Variants in USF3 observed in about 807,000 individuals in gnomAD.
USF3 encodes upstream transcription factor family member 3.
USF3 carries 29 observed loss-of-function variants against 157.5 expected under a neutral mutation model. That is an observed-to-expected ratio of 0.18 (90% CI 0.14 to 0.25). The LOEUF (loss-of-function observed/expected upper bound fraction) is 0.25, where lower values mean the gene tolerates loss of function less well. Among genes scored for constraint, USF3 ranks in the 10% least tolerant of loss-of-function variants. The pLI is 1.00. For missense variants in USF3, 2,381 were observed against 2,667.6 expected, an observed-to-expected ratio of 0.89 and a Z score of 2.37; for synonymous variants, 893 against 941.4, an observed-to-expected ratio of 0.95 and a Z score of 0.94.
At position 113,656,027 on chromosome 3, in the gene USF3, T is replaced by C; in HGVS notation, c.5655A>G (p.Ala1885=). The C allele has an allele frequency of 6.2e-7, 1 of 1,614,218 alleles. No individual in the cohort carries two copies. Among genetic ancestry groups the C allele is most frequent in the African/African-American group, 1.3e-5 (1 of 75,062 alleles). The change falls in exon 7 of 7, where the codon GCA becomes GCG. Residue 1885 remains alanine (A), a synonymous_variant. Coordinates refer to ENST00000316407, the MANE Select transcript of USF3 (RefSeq NM_001009899.4). ...TCAAGGTGCTGTTCCTGGTGTTAATTGCACCTAACGACATGTCACAACTTT... is the reference window on the plus strand; with the variant it reads ...TCAAGGTGCTGTTCCTGGTGTTAATCGCACCTAACGACATGTCACAACTTT... ...NRESCDMSLG[A]INTRNSTLNI...
intron 1 of USF3, among the ~76,000 whole-genome samples, chr3:113,681,876 G>C (rs957025832): frequency 4.8e-5 from 7 of 144,330 alleles, no homozygotes; most frequent in African/African-American, 1.8e-4. Flanking sequence ...CTGCCACCAC[G>C]CCTGGCTAAT....
intron 1 of USF3, among the ~76,000 whole-genome samples, chr3:113,690,949 A>G (rs1241770004): frequency 1.3e-5 from 2 of 152,158 alleles, no homozygotes; most frequent in Non-Finnish European, 2.9e-5. Context: ...GCACTTTGAG[A>G]GGCCAAGGGA....
chr3:113,660,782 A>T lies in USF3; in HGVS notation c.900T>A (p.Val300=). 1.2e-6 allele frequency: 2 copies of T among 1,614,190 alleles called. No individual in the cohort carries two copies. Among genetic ancestry groups the T allele is most frequent in the South Asian group, 2.2e-5 (2 of 91,090 alleles). The change falls in exon 7 of 7, where the codon GTT becomes GTA. Residue 300 remains valine (V), a synonymous_variant. Transcript: ENST00000316407. ...CTGAGGAGCTGTGGGGGATGTTTGT[A>T]ACACAAGGGGTCATTTTCTTCAATA... ...PKVLKKMTPC[V]TNIPHSSSAT... is the part of the protein sequence containing the mutation.
chr3:113,649,607 G>C lies in USF3; in HGVS notation c.*5337C>G, dbSNP rs1947226172. The C allele has an allele frequency of 2.4e-6, 1 of 408,596 alleles. No homozygotes were observed. The highest frequency in any genetic ancestry group is 4.3e-5 in the Admixed American group (1 of 23,248). 25.3% of individuals were successfully genotyped at this position (408,596 alleles called of 1,614,324 possible). On this transcript the variant is annotated 3_prime_UTR_variant, in exon 7 of 7. Transcript: ENST00000316407. ...AGCTGTACTTGTCGAGAAGGTGTCT[G>C]ATTACACAGCGTGTACCATCCCAGC...
rs1418873643 is a variant in USF3 at position 113,665,411 on chromosome 3, T to A, written c.160-1002A>T. Among the ~76,000 whole-genome samples the A allele has an allele frequency of 2.0e-5, 3 of 152,390 alleles. No homozygotes were observed. In the East Asian group the frequency reaches 5.8e-4, roughly 29 times the overall value. Reference sequence around the variant, plus strand: ...GGCCAAGAGAGGAATGTCACTTGATTGAGTTTTGGTGTCATGCTTCCAGTA... The same window carrying A: ...GGCCAAGAGAGGAATGTCACTTGATAGAGTTTTGGTGTCATGCTTCCAGTA... On this transcript the variant is annotated intron_variant, in intron 5 of 6. Transcript: ENST00000316407.
At chr3:113,679,695 T>C (rs1029652924) in intron 1 of USF3, among the ~76,000 whole-genome samples, 23 of 152,186 alleles carry the variant, frequency 1.5e-4, no homozygotes, top group African/African-American at 5.5e-4. Context: ...ATTACAGGCA[T>C]AAGCCACCAC....
At position 113,670,877 on chromosome 3, in the gene USF3, G is replaced by C. The variant is rs1203096703; in HGVS notation, c.77-674C>G. Among the ~76,000 whole-genome samples, 3 of 151,984 alleles carry C rather than the reference G, an allele frequency of 2.0e-5. No homozygotes were observed. In the East Asian group the frequency reaches 5.8e-4, roughly 29 times the overall value. Reference sequence around the variant, plus strand: ...GGGCTCAGGCCTCCCGAATAGCTGGGACCACAGGCATGCAGCACCATGCCC... The same window carrying C: ...GGGCTCAGGCCTCCCGAATAGCTGGCACCACAGGCATGCAGCACCATGCCC... On this transcript the variant is annotated intron_variant, in intron 4 of 6. Transcript: ENST00000316407.
intron 1 of USF3, among the ~76,000 whole-genome samples, chr3:113,690,720 G>A (rs1463725907): frequency 6.6e-6 from 1 of 152,104 alleles, no homozygotes; most frequent in Non-Finnish European, 1.5e-5. Flanking sequence ...AAAGTCCGGT[G>A]CAAGTCTATC....
In USF3 at chr3:113,665,812, A is replaced by G. The variant is rs149683313; in HGVS notation, c.160-1403T>C. 9.1e-3 allele frequency among the ~76,000 whole-genome samples: 1,366 copies of G among 150,686 alleles called. 15 individuals are homozygous for G. The highest frequency in any genetic ancestry group is 0.032 in the African/African-American group (1,307 of 41,038). ...CACTGCACTCCAGCTTGGGCAACAG[A>G]GTGAGATTCTGTCTCAAAAGAAAAA... On this transcript the variant is annotated intron_variant, in intron 5 of 6. Coordinates refer to ENST00000316407, the MANE Select transcript of USF3 (RefSeq NM_001009899.4).
Position 113,649,153 on chromosome 3 carries a change from T to C in USF3, c.*5791A>G, listed in dbSNP as rs1442450389. ...GGATTTAGATACATCTAACTTTAAG[T>C]TCCTATGACATAGTACGGTGTTAGT... On this transcript the variant is annotated 3_prime_UTR_variant, in exon 7 of 7. Transcript: ENST00000316407. The C allele has an allele frequency of 6.6e-6, 1 of 152,292 alleles. No individual in the cohort carries two copies. The allele number at this position is 152,292 out of a possible 1,614,324, so 9.4% of individuals were successfully genotyped here. A position where few individuals can be genotyped will look rare whatever the true frequency, so the allele number is the denominator to read the frequency against.
rs1463990279 is a variant in USF3 at position 113,659,596 on chromosome 3, T to C, written c.2086A>G (p.Ser696Gly). 6.2e-7 allele frequency: 1 copy of C among 1,614,030 alleles called. No homozygotes were observed. Among genetic ancestry groups the C allele is most frequent in the South Asian group, 1.1e-5 (1 of 91,078 alleles). ...GCAACATTGGTATTTGGATCTTCGC[T>C]GGTGGTGGGTTGAATAATTTGCATA... is the stretch of plus-strand genomic sequence containing the variant. ...TPMQIIQPTTSEDPNTNVALN... is the reference protein window; with the variant it reads ...TPMQIIQPTTGEDPNTNVALN... Residue 696 changes from serine to glycine, a missense_variant, in exon 7 of 7, where the codon AGC (serine) becomes GGC (glycine). Physicochemically the swap from Ser to Gly is moderately conservative, Grantham distance 56. Transcript: ENST00000316407.
chr3:113,681,046 G>A (rs559425705), intron 1 of USF3, among the ~76,000 whole-genome samples: 3 of 151,204 alleles, frequency 2.0e-5, no homozygotes, highest in East Asian at 2.0e-4. Flanking sequence ...GTGTGATCTC[G>A]GCTCACTGCA....
intron 1 of USF3, among the ~76,000 whole-genome samples, chr3:113,683,218 C>T (rs1435917336): frequency 6.7e-6 from 1 of 150,256 alleles, no homozygotes; most frequent in Non-Finnish European, 1.5e-5. Context: ...TAAAAACAAA[C>T]AAGCCAAGAG....
intron 1 of USF3, among the ~76,000 whole-genome samples, chr3:113,681,140 G>A (rs563398552): frequency 1.2e-4 from 19 of 152,120 alleles, no homozygotes; most frequent in African/African-American, 4.6e-4. Context: ...AGCACGCCTG[G>A]CTAATTTTTG....
At chr3:113,689,720 C>T (rs1007573421) in intron 1 of USF3, among the ~76,000 whole-genome samples, 2 of 152,224 alleles carry the variant, frequency 1.3e-5, no homozygotes, top group Admixed American at 6.5e-5. Flanking sequence ...GCTGCTCCAG[C>T]CAACCAAAGC....
intron 1 of USF3, among the ~76,000 whole-genome samples, chr3:113,690,224 A>C (rs1344971382): frequency 6.6e-6 from 1 of 152,040 alleles, no homozygotes; most frequent in East Asian, 1.9e-4. Context: ...AATTCTATCA[A>C]TTGTTTTCAT....
At chr3:113,666,733 T>TTTG (rs1013741086) in intron 5 of USF3, among the ~76,000 whole-genome samples, 1 of 151,734 alleles carries the variant, frequency 6.6e-6, no homozygotes, top group Admixed American at 6.6e-5. Context: ...GCCGGGCTAA[T>TTTG]TTGTTGTTGT....
At chr3:113,687,267 C>CACACACACA (rs373264306) in intron 1 of USF3, among the ~76,000 whole-genome samples, 52 of 141,394 alleles carry the variant, frequency 3.7e-4, no homozygotes, top group South Asian at 2.0e-3. Flanking sequence ...ACACACACAC[C>CACACACACA]CCCTTTCTAG....
At position 113,657,795 on chromosome 3, in the gene USF3, G is replaced by A. The variant is rs746548535; in HGVS notation, c.3887C>T (p.Ser1296Phe). The A allele has an allele frequency of 2.5e-6, 4 of 1,614,152 alleles. No individual in the cohort carries two copies. The highest frequency in any genetic ancestry group is 1.1e-5 in the South Asian group (1 of 91,080). Reference protein sequence around the residue: ...PPGPSLMTEYSQEQLNTMTST... With the variant: ...PPGPSLMTEYFQEQLNTMTST... ...AGTCATAGTATTTAGCTGTTCTTGG[G>A]AATATTCAGTCATCAGAGATGGTCC... Residue 1296 changes from serine to phenylalanine, a missense_variant, in exon 7 of 7, where the codon TCC becomes TTC. Physicochemically the swap from Ser to Phe is radical, Grantham distance 155. Transcript: ENST00000316407.
Sources: allele counts gnomAD v4.1 joint callset (sites outside exome capture counted in the v4.1 genomes callset), GRCh38; gene constraint gnomAD v4.1.1; transcripts MANE v1.5; gene names NCBI Gene and HGNC (gene_info 2026-07-23, HGNC 2026-07-21).